CSMD1: variants seen among roughly 807,000 people sequenced by gnomAD.
CSMD1 encodes the protein CUB and Sushi multiple domains 1.
Under a neutral mutation model 417.5 loss-of-function variants are expected in CSMD1, and 213 were observed. The ratio of observed to expected loss-of-function variants is 0.51; its 90% CI spans 0.46 to 0.57. The LOEUF is 0.57. CSMD1 is among the 20% of genes least tolerant of loss of function. The pLI, the probability that CSMD1 is intolerant of heterozygous loss-of-function variation, is 0.00. For missense variants in CSMD1, 6,923 were observed against 4,529.7 expected, an observed-to-expected ratio of 1.53 and a Z score of -15.17; for synonymous variants, 2,862 against 1,736.8, an observed-to-expected ratio of 1.65 and a Z score of -16.11.
chr8:3,419,041 T>C (rs1813326417), intron 12 of CSMD1, among the ~76,000 whole-genome samples: 1 of 152,206 alleles, frequency 6.6e-6, no homozygotes, highest in Non-Finnish European at 1.5e-5. Context: ...GGCATACAAA[T>C]AGTTAATGCT....
At position 4,386,589 on chromosome 8, in the gene CSMD1, G is replaced by C. The variant is rs138703379; in HGVS notation, c.415+33364C>G. Among the ~76,000 whole-genome samples, 969 of 152,286 alleles carry C rather than the reference G, an allele frequency of 6.4e-3. 10 individuals are homozygous for C. The highest frequency in any genetic ancestry group is 0.02 in the African/African-American group (843 of 41,552). The stretch of plus-strand genomic sequence containing the variant: ...CCTATAAGAGAGAAAGGCCTGTTAC[G>C]GCAGGGCATGCAGTTTATATTTAAT... On this transcript the variant is annotated intron_variant, in intron 3 of 69. Transcript: ENST00000635120.
intron 12 of CSMD1, among the ~76,000 whole-genome samples, chr8:3,429,487 C>T (rs947158480): frequency 6.6e-6 from 1 of 152,138 alleles, no homozygotes; most frequent in African/African-American, 2.4e-5. Context: ...GACCTTCATT[C>T]TTAAACGCCC....
chr8:3,489,379 G>A (rs371285865), intron 11 of CSMD1, among the ~76,000 whole-genome samples: 1 of 152,138 alleles, frequency 6.6e-6, no homozygotes, highest in South Asian at 2.1e-4. Flanking sequence ...TTTTAAAACT[G>A]TAACCTGTGC....
intron 5 of CSMD1, among the ~76,000 whole-genome samples, chr8:3,994,400 A>T (rs1413368574): frequency 6.9e-6 from 1 of 145,838 alleles, no homozygotes; most frequent in African/African-American, 2.5e-5. Flanking sequence ...TTTCTTCTTG[A>T]TATTATTAGA....
chr8:3,675,585 G>T (rs888324765), intron 7 of CSMD1, among the ~76,000 whole-genome samples: 5 of 151,940 alleles, frequency 3.3e-5, no homozygotes, highest in Non-Finnish European at 4.4e-5. Context: ...CAGACACGAG[G>T]GTTGATACCC....
intron 3 of CSMD1, among the ~76,000 whole-genome samples, chr8:4,035,994 T>C (rs767210848): frequency 1.3e-5 from 2 of 152,162 alleles, no homozygotes; most frequent in Non-Finnish European, 2.9e-5. Context: ...TTATTTTTAA[T>C]GCTGTTTTAT....
At chr8:3,712,540 T>A (rs1210859062) in intron 6 of CSMD1, among the ~76,000 whole-genome samples, 1 of 152,202 alleles carries the variant, frequency 6.6e-6, no homozygotes, top group Non-Finnish European at 1.5e-5. Context: ...TGAATTAAAC[T>A]ATTGAGTCAT....
chr8:3,635,307 C>T (rs913459378), intron 7 of CSMD1, among the ~76,000 whole-genome samples: 2 of 151,990 alleles, frequency 1.3e-5, no homozygotes, highest in Admixed American at 1.3e-4. Flanking sequence ...AACCCCATCT[C>T]TACTAAAAAT....
At chr8:3,436,423 G>A (rs957388401) in intron 12 of CSMD1, among the ~76,000 whole-genome samples, 1 of 152,048 alleles carries the variant, frequency 6.6e-6, no homozygotes, top group Non-Finnish European at 1.5e-5. Flanking sequence ...CTGGTCTTTT[G>A]CCCAGTTGCT....
At chr8:4,335,463 A>C (rs12334725) in intron 3 of CSMD1, among the ~76,000 whole-genome samples, 12,996 of 152,060 alleles carry the variant, frequency 0.085, 1,707 homozygotes, top group African/African-American at 0.29. Context: ...TAAATCAGGG[A>C]ATTTATATGG....
chr8:3,279,812 C>T (rs1421023360), intron 26 of CSMD1, among the ~76,000 whole-genome samples: 1 of 152,128 alleles, frequency 6.6e-6, no homozygotes, highest in Non-Finnish European at 1.5e-5. Context: ...ATAAAACCAA[C>T]AGATCTCATG....
At chr8:3,670,106 G>A (rs7001770) in intron 7 of CSMD1, among the ~76,000 whole-genome samples, 25,384 of 152,036 alleles carry the variant, frequency 0.17, 2,243 homozygotes, top group South Asian at 0.22. Context: ...GATGCAAAGT[G>A]TTGATCCTGG....
At chr8:4,817,961 A>C (rs1191850197) in intron 1 of CSMD1, among the ~76,000 whole-genome samples, 1 of 152,202 alleles carries the variant, frequency 6.6e-6, no homozygotes, top group African/African-American at 2.4e-5. Flanking sequence ...AGCATTAGGT[A>C]CAGTTAAAAA....
At chr8:3,088,801 T>C (rs1217494553) in intron 48 of CSMD1, among the ~76,000 whole-genome samples, 1 of 128,128 alleles carries the variant, frequency 7.8e-6, no homozygotes, top group African/African-American at 3.1e-5. Context: ...ATGAGTACAA[T>C]CAGGCACCCT....
intron 7 of CSMD1, among the ~76,000 whole-genome samples, chr8:3,651,837 G>A (rs1399001321): frequency 1.3e-5 from 2 of 149,034 alleles, no homozygotes; most frequent in Non-Finnish European, 3.0e-5. Context: ...CACCATCAGA[G>A]CACCCACCAT....
intron 2 of CSMD1, among the ~76,000 whole-genome samples, chr8:4,432,718 C>T (rs977560755): frequency 2.6e-5 from 4 of 152,160 alleles, no homozygotes; most frequent in Non-Finnish European, 5.9e-5. Flanking sequence ...GCTTTTAACT[C>T]CTGAAAGTTC....
At chr8:3,923,290 C>A (rs1321831519) in intron 5 of CSMD1, among the ~76,000 whole-genome samples, 1 of 152,134 alleles carries the variant, frequency 6.6e-6, no homozygotes, top group Non-Finnish European at 1.5e-5. Flanking sequence ...CCCAGGCTGT[C>A]CCTTCCCCAT....
intron 5 of CSMD1, among the ~76,000 whole-genome samples, chr8:3,756,798 A>ATTT (rs5888992): frequency 1.4e-4 from 21 of 149,240 alleles, no homozygotes; most frequent in East Asian, 2.0e-4. Flanking sequence ...ACCAGGTGGA[A>ATTT]TTTTTTTTTT....
intron 5 of CSMD1, among the ~76,000 whole-genome samples, chr8:3,762,509 G>T (rs750876750): frequency 6.6e-6 from 1 of 152,220 alleles, no homozygotes; most frequent in Non-Finnish European, 1.5e-5. Flanking sequence ...GCTGAGGTAG[G>T]ATGTTTATAT....
Sources: allele counts gnomAD v4.1 joint callset (sites outside exome capture counted in the v4.1 genomes callset), GRCh38; gene constraint gnomAD v4.1.1; transcripts MANE v1.5; gene names NCBI Gene and HGNC (gene_info 2026-07-23, HGNC 2026-07-21).